DLG1: variants seen among roughly 807,000 people sequenced by gnomAD.
DLG1 encodes disks large homolog 1.
DLG1 carries 42 observed loss-of-function variants against 123.4 expected under a neutral mutation model. That is an observed-to-expected ratio of 0.34 (90% CI 0.27 to 0.44). The LOEUF (loss-of-function observed/expected upper bound fraction) is 0.44. DLG1 is among the 20% of genes least tolerant of loss of function. DLG1 has a pLI of 1.00. For synonymous variants in DLG1, 317 were observed against 356.2 expected (o/e 0.89, Z 1.24); for missense variants, 942 against 1,082.6 (o/e 0.87, Z 1.82).
chr3:197,102,201 A>G (rs1044347078), intron 14 of DLG1, among the ~76,000 whole-genome samples: 3 of 152,232 alleles, frequency 2.0e-5, no homozygotes, highest in Admixed American at 1.3e-4. Flanking sequence ...TTTTCTCATA[A>G]TCAGAATCCA....
At chr3:197,253,064 A>G (rs1755236242) in intron 4 of DLG1, among the ~76,000 whole-genome samples, 3 of 152,208 alleles carry the variant, frequency 2.0e-5, no homozygotes, top group African/African-American at 4.8e-5. Context: ...AACTTGATAA[A>G]TTGGACTTCA....
chr3:197,076,636 G>C lies in DLG1; in HGVS notation c.1955C>G (p.Pro652Arg). ...RKKNLFSRKF[P>R]FYKNKDQSEQ... ...ACTCTGGTCCTTGTTCTTGTAGAAG[G>C]GGAATTTTCGGGAAAAGAGGTTCTT... Residue 652 changes from proline to arginine, a missense_variant, in exon 18 of 25, where the codon CCC (proline) becomes CGC (arginine). Physicochemically the swap from Pro to Arg is moderately radical, Grantham distance 103. Transcript: ENST00000667157. 6.2e-7 allele frequency: 1 copy of C among 1,612,986 alleles called. No homozygotes were observed. Among genetic ancestry groups the C allele is most frequent in the Non-Finnish European group, 8.5e-7 (1 of 1,179,318 alleles).
At chr3:197,162,207 A>G (rs1453601596) in intron 5 of DLG1, among the ~76,000 whole-genome samples, 1 of 152,220 alleles carries the variant, frequency 6.6e-6, no homozygotes, top group Non-Finnish European at 1.5e-5. Context: ...CAAGAACAGT[A>G]ATAACTTGCC....
At chr3:197,245,156 CA>C (rs1024439052) in intron 4 of DLG1, among the ~76,000 whole-genome samples, 3 of 152,086 alleles carry the variant, frequency 2.0e-5, no homozygotes, top group East Asian at 1.9e-4. Context: ...AGGTGGGTGC[CA>C]GGGGGTATGG....
chr3:197,049,579 C>G lies in DLG1; in HGVS notation c.2575+1998G>C, dbSNP rs62409322. On this transcript the variant is annotated intron_variant, in intron 24 of 24. Coordinates refer to ENST00000667157, the MANE Select transcript of DLG1 (RefSeq NM_001366207.1). Reference sequence around the variant, plus strand: ...ACTAGCCTGACCAACATGGGGAAACCCCATCTCTACTAAAAATACAAAATT... The same window carrying G: ...ACTAGCCTGACCAACATGGGGAAACGCCATCTCTACTAAAAATACAAAATT... Among the ~76,000 whole-genome samples the G allele has an allele frequency of 4.3e-4, 65 of 151,912 alleles. 1 individual carries two copies. Among genetic ancestry groups the G allele is most frequent in the Non-Finnish European group, 8.5e-4 (58 of 67,958 alleles).
At chr3:197,227,241 G>A (rs1740419798) in intron 4 of DLG1, among the ~76,000 whole-genome samples, 1 of 152,122 alleles carries the variant, frequency 6.6e-6, no homozygotes, top group South Asian at 2.1e-4. Flanking sequence ...GGTGGCCGAG[G>A]TGGGTGGATC....
intron 13 of DLG1, among the ~76,000 whole-genome samples, chr3:197,107,696 C>T (rs1486479506): frequency 6.6e-6 from 1 of 151,758 alleles, no homozygotes; most frequent in Admixed American, 6.6e-5. Context: ...TTTAACTGAA[C>T]TCATTTATTA....
intron 12 of DLG1, among the ~76,000 whole-genome samples, chr3:197,117,093 A>G (rs527254519): frequency 2.0e-5 from 3 of 152,294 alleles, no homozygotes; most frequent in Middle Eastern, 3.4e-3. Context: ...AAGGTGCTCA[A>G]CATCATCAGT....
intron 14 of DLG1, among the ~76,000 whole-genome samples, chr3:197,104,109 G>C (rs1343569381): frequency 6.6e-6 from 1 of 151,896 alleles, no homozygotes; most frequent in Admixed American, 6.6e-5. Flanking sequence ...TTAAATAGCG[G>C]CAGTAACAGC....
In DLG1 at chr3:197,138,265, C is replaced by T. The variant is rs779304853; in HGVS notation, c.840G>A (p.Val280=). 8.1e-6 allele frequency: 13 copies of T among 1,603,390 alleles called. No individual in the cohort carries two copies. Among genetic ancestry groups the T allele is most frequent in the African/African-American group, 4.0e-5 (3 of 74,804 alleles). ...GCTTTATTTCCATTATTTTTTCTGA[C>T]ACTGGTTTCCTTCTTTTTACATACA... ...VRLYVKRRKP[V]SEKIMEIKLI... The change falls in exon 9 of 25, where the codon GTG becomes GTA. Residue 280 remains valine (V), a synonymous_variant. Transcript: ENST00000667157.
At chr3:197,061,118 C>G (rs1298524388) in intron 22 of DLG1, among the ~76,000 whole-genome samples, 1 of 152,180 alleles carries the variant, frequency 6.6e-6, no homozygotes, top group East Asian at 1.9e-4. Context: ...AATGCAACTT[C>G]TAACCCAAGG....
Position 197,282,620 on chromosome 3 carries a change from T to C in DLG1, c.318+59A>G, listed in dbSNP as rs957969837. 4.5e-6 allele frequency: 5 copies of C among 1,109,028 alleles called. No homozygotes were observed. In the Admixed American group the frequency reaches 8.4e-5, roughly 19 times the overall value. The allele number at this position is 1,109,028 out of a possible 1,614,324, so 68.7% of individuals were successfully genotyped here. A position where few individuals can be genotyped will look rare whatever the true frequency, so the allele number is the denominator to read the frequency against. On this transcript the variant is annotated intron_variant, in intron 4 of 24. Transcript: ENST00000667157. ...ATTATTTTAATAAAATAAAGAAACA[T>C]AGTAACATAAATAAATTGATCACCA...
intron 5 of DLG1, among the ~76,000 whole-genome samples, chr3:197,184,956 G>A (rs998322242): frequency 2.0e-5 from 3 of 152,034 alleles, no homozygotes; most frequent in Non-Finnish European, 1.5e-5. Flanking sequence ...AAATGTTTAC[G>A]GGCAGGGGGA....
intron 4 of DLG1, among the ~76,000 whole-genome samples, chr3:197,258,939 T>C (rs576070904): frequency 6.6e-6 from 1 of 152,294 alleles, no homozygotes; most frequent in Non-Finnish European, 1.5e-5. Context: ...AATTTATAAA[T>C]ACTTTAGGAT....
chr3:197,283,369 A>C (rs114574353), intron 3 of DLG1, among the ~76,000 whole-genome samples: 1,814 of 152,312 alleles, frequency 0.012, 39 homozygotes, highest in African/African-American at 0.041. Flanking sequence ...GCCAAAAAAA[A>C]AGAGGAAATT....
chr3:197,238,340 TAACA>T (rs982317552), intron 4 of DLG1, among the ~76,000 whole-genome samples: 4 of 152,176 alleles, frequency 2.6e-5, no homozygotes, highest in African/African-American at 7.2e-5. Context: ...TAGACTTACC[TAACA>T]GAGTTTAAAG....
intron 10 of DLG1, among the ~76,000 whole-genome samples, chr3:197,131,580 C>CTTTTT (rs1560911232): frequency 8.3e-6 from 1 of 120,704 alleles, no homozygotes; most frequent in Non-Finnish European, 1.7e-5. Flanking sequence ...TTATTTCTTC[C>CTTTTT]TTTCTTTTTT....
chr3:197,094,817 A>G (rs953104256), intron 14 of DLG1, among the ~76,000 whole-genome samples: 2 of 152,074 alleles, frequency 1.3e-5, no homozygotes, highest in African/African-American at 2.4e-5. Context: ...TTCTTCCTTT[A>G]TTGAGTATGT....
At chr3:197,297,940 G>A in intron 1 of DLG1, 3 of 982,932 alleles carry the variant, frequency 3.1e-6, no homozygotes, top group Non-Finnish European at 3.6e-6. Flanking sequence ...GAAGGGACGG[G>A]GGAGGAGCTC....
Sources: gnomAD v4.1 joint callset for allele counts (sites outside exome capture counted in the v4.1 genomes callset) on GRCh38, gnomAD v4.1.1 for gene constraint, MANE v1.5 for transcripts, NCBI Gene and HGNC (gene_info 2026-07-23, HGNC 2026-07-21) for gene names.